The following LRMDA variants were observed in gnomAD, a reference collection of about 807,000 sequenced individuals.
LRMDA encodes the protein leucine rich melanocyte differentiation associated, also known as leucine-rich melanocyte differentiation-associated protein.
In LRMDA, 18 loss-of-function variants were observed where a neutral mutation model predicts 29.8. That is an observed-to-expected ratio of 0.60 (90% confidence interval 0.42 to 0.90). LRMDA has a LOEUF of 0.90. Among genes scored for constraint, LRMDA ranks in the 40% least tolerant of loss-of-function variants. The probability of loss-of-function intolerance (pLI) is 0.00; values close to 1 mark genes in which losing one functional copy is unlikely to be tolerated. For synonymous variants in LRMDA, 125 were observed against 109.4 expected (o/e 1.14, Z -0.89); for missense variants, 273 against 273.9 (o/e 1.00, Z 0.02).
At chr10:76,002,749 T>C (rs1025831621) in intron 2 of LRMDA, among the ~76,000 whole-genome samples, 2 of 152,112 alleles carry the variant, frequency 1.3e-5, no homozygotes, top group African/African-American at 4.8e-5. Context: ...GTCCTTGGCA[T>C]TGAGGCAAGG....
intron 2 of LRMDA, among the ~76,000 whole-genome samples, chr10:75,646,920 A>G (rs1020780143): frequency 6.6e-5 from 10 of 152,206 alleles, no homozygotes; most frequent in African/African-American, 2.4e-4. Flanking sequence ...GCTTAGGAGG[A>G]CAGGGACCTG....
intron 2 of LRMDA, among the ~76,000 whole-genome samples, chr10:75,614,418 G>T (rs530718307): frequency 6.6e-6 from 1 of 152,144 alleles, no homozygotes; most frequent in Non-Finnish European, 1.5e-5. Flanking sequence ...ACGGCCATTA[G>T]TTTTTTTCAG....
At chr10:76,306,109 T>G (rs571154539) in intron 5 of LRMDA, among the ~76,000 whole-genome samples, 2 of 152,362 alleles carry the variant, frequency 1.3e-5, no homozygotes, top group African/African-American at 4.8e-5. Flanking sequence ...GGATTAGTAT[T>G]AACTTTACAA....
At chr10:75,545,392 A>G (rs1456801528) in intron 2 of LRMDA, among the ~76,000 whole-genome samples, 1 of 152,154 alleles carries the variant, frequency 6.6e-6, no homozygotes, top group African/African-American at 2.4e-5. Context: ...CATAGGCTTT[A>G]GACACACACT....
At chr10:75,532,586 T>C (rs946060002) in intron 2 of LRMDA, among the ~76,000 whole-genome samples, 2 of 152,120 alleles carry the variant, frequency 1.3e-5, no homozygotes, top group Non-Finnish European at 2.9e-5. Context: ...GGTGGTGACA[T>C]TGGAAAATCT....
intron 5 of LRMDA, chr10:76,270,242 A>T (rs1840050958): frequency 6.6e-6 from 1 of 152,232 alleles, no homozygotes; most frequent in South Asian, 2.1e-4. Context: ...AACGCAATGG[A>T]AAGTGTCCAG....
chr10:76,027,097 T>C (rs560332994), intron 2 of LRMDA, among the ~76,000 whole-genome samples: 20 of 152,326 alleles, frequency 1.3e-4, no homozygotes, highest in Admixed American at 9.8e-4. Flanking sequence ...TAGGACTGTC[T>C]CAATCACTGT....
intron 2 of LRMDA, among the ~76,000 whole-genome samples, chr10:75,663,272 G>A (rs1444994555): frequency 2.0e-5 from 3 of 152,166 alleles, no homozygotes; most frequent in African/African-American, 7.2e-5. Context: ...CTGTACTTCT[G>A]TTAGTGGATT....
intron 6 of LRMDA, among the ~76,000 whole-genome samples, chr10:76,428,660 G>T (rs543092783): frequency 6.6e-6 from 1 of 152,264 alleles, no homozygotes; most frequent in South Asian, 2.1e-4. Context: ...GGTGAATGAG[G>T]AGGGTAAACC....
chr10:75,721,207 G>A (rs1446925730), intron 2 of LRMDA, among the ~76,000 whole-genome samples: 3 of 152,302 alleles, frequency 2.0e-5, no homozygotes, highest in East Asian at 1.9e-4. Context: ...TCTGGGAATT[G>A]TCATCTAGTG....
At chr10:75,564,987 G>A (rs146523275) in intron 2 of LRMDA, among the ~76,000 whole-genome samples, 6 of 152,320 alleles carry the variant, frequency 3.9e-5, no homozygotes, top group African/African-American at 1.4e-4. Context: ...GGATCATGTG[G>A]TCTTTTTATT....
At chr10:75,485,582 A>G (rs536357563) in intron 2 of LRMDA, among the ~76,000 whole-genome samples, 18 of 150,886 alleles carry the variant, frequency 1.2e-4, no homozygotes, top group South Asian at 4.2e-4. Context: ...GTGTGTGTGT[A>G]TATATATATA....
chr10:75,806,761 AC>A (rs1186297056), intron 2 of LRMDA, among the ~76,000 whole-genome samples: 1 of 144,130 alleles, frequency 6.9e-6, no homozygotes, highest in Non-Finnish European at 1.5e-5. Context: ...GTGTGCTAGG[AC>A]CCCCATGTCT....
At position 75,797,742 on chromosome 10, in the gene LRMDA, C is replaced by T. The variant is rs192053165; in HGVS notation, c.132-238266C>T. ...CAGTATTCTGTTCGCTTTTATTGCT[C>T]CATAGTGTTTTATTGCATGGATATA... On this transcript the variant is annotated intron_variant, in intron 2 of 6. Coordinates refer to ENST00000611255, the MANE Select transcript of LRMDA (RefSeq NM_001305581.2). Among the ~76,000 whole-genome samples the T allele has an allele frequency of 2.0e-4, 31 of 152,248 alleles. 1 individual carries two copies. Among genetic ancestry groups the T allele is most frequent in the Admixed American group, 2.0e-3 (31 of 15,294 alleles).
intron 2 of LRMDA, among the ~76,000 whole-genome samples, chr10:75,803,866 A>G (rs1046682541): frequency 3.3e-5 from 5 of 152,162 alleles, no homozygotes; most frequent in African/African-American, 1.2e-4. Context: ...AGTGGGACAC[A>G]TCTCTTTCCC....
intron 2 of LRMDA, among the ~76,000 whole-genome samples, chr10:75,691,822 T>G (rs1455636683): frequency 6.6e-6 from 1 of 152,152 alleles, no homozygotes; most frequent in African/African-American, 2.4e-5. Flanking sequence ...CTCCCTCCAT[T>G]GCTCCTTCTG....
At chr10:76,521,858 C>T (rs1843124792) in intron 6 of LRMDA, among the ~76,000 whole-genome samples, 1 of 152,158 alleles carries the variant, frequency 6.6e-6, no homozygotes, top group Non-Finnish European at 1.5e-5. Context: ...ACTGTAAGGT[C>T]CTTGCATGAG....
At chr10:76,129,434 G>A (rs763757060) in intron 5 of LRMDA, among the ~76,000 whole-genome samples, 5 of 152,168 alleles carry the variant, frequency 3.3e-5, no homozygotes, top group East Asian at 1.9e-4. Context: ...AAATTGGTTC[G>A]GAGACTGAAC....
At chr10:76,388,899 A>G (rs1001255492) in intron 6 of LRMDA, among the ~76,000 whole-genome samples, 2 of 152,198 alleles carry the variant, frequency 1.3e-5, no homozygotes, top group Non-Finnish European at 2.9e-5. Context: ...AGGTCACATA[A>G]TAAGTGGCAA....
Sources: allele counts gnomAD v4.1 joint callset (sites outside exome capture counted in the v4.1 genomes callset), GRCh38; gene constraint gnomAD v4.1.1; transcripts MANE v1.5; gene names NCBI Gene and HGNC (gene_info 2026-07-23, HGNC 2026-07-21).